FBXL5: variants seen among roughly 807,000 people sequenced by gnomAD.
The protein encoded by FBXL5 is F-box and leucine rich repeat protein 5.
In FBXL5, 26 loss-of-function variants were observed where a neutral mutation model predicts 78.3. The observed-to-expected ratio is 0.33, with a 90% CI of 0.24 to 0.46. The LOEUF is 0.46. FBXL5 is among the 20% of genes least tolerant of loss of function. The probability of loss-of-function intolerance (pLI) is 1.00; values close to 1 mark genes in which losing one functional copy is unlikely to be tolerated. For synonymous variants in FBXL5, 295 were observed against 282.5 expected, an observed-to-expected ratio of 1.04 and a Z score of -0.45; for missense variants, 710 against 829.2, an observed-to-expected ratio of 0.86 and a Z score of 1.77.
At chr4:15,631,375 C>T (rs1212942227) in intron 5 of FBXL5, among the ~76,000 whole-genome samples, 2 of 152,198 alleles carry the variant, frequency 1.3e-5, no homozygotes, top group African/African-American at 4.8e-5. Flanking sequence ...CCACAATAAA[C>T]GTATGTGCGC....
intron 10 of FBXL5, 116 bp from the exon 11 acceptor site, chr4:15,605,915 G>C: frequency 1.4e-6 from 1 of 719,604 alleles, no homozygotes; most frequent in Non-Finnish European, 2.5e-6. Flanking sequence ...TTATATGATA[G>C]AAGTAAATCT....
chr4:15,620,739 C>A (rs1027280515), intron 9 of FBXL5, among the ~76,000 whole-genome samples: 1 of 152,242 alleles, frequency 6.6e-6, no homozygotes, highest in East Asian at 1.9e-4. Flanking sequence ...AACGCCCAAG[C>A]TGGAAGGTCG....
At chr4:15,639,285 C>G (rs1714597232) in intron 3 of FBXL5, among the ~76,000 whole-genome samples, 2 of 152,234 alleles carry the variant, frequency 1.3e-5, no homozygotes, top group African/African-American at 4.8e-5. Context: ...ATTTGTCACT[C>G]TTAATCATTC....
chr4:15,635,946 G>C (rs1714219943), intron 5 of FBXL5, among the ~76,000 whole-genome samples: 1 of 151,980 alleles, frequency 6.6e-6, no homozygotes, highest in African/African-American at 2.4e-5. Flanking sequence ...CTGTGATTCA[G>C]AGAATGTGGC....
intron 2 of FBXL5, chr4:15,641,574 T>C (rs1430537496): frequency 2.2e-6 from 1 of 456,706 alleles, no homozygotes; most frequent in Admixed American, 2.4e-5. Flanking sequence ...CATGAAATAA[T>C]TGTTATTCGA....
intron 1 of FBXL5, among the ~76,000 whole-genome samples, chr4:15,676,323 C>G (rs1717989934): frequency 6.6e-6 from 1 of 151,920 alleles, no homozygotes; most frequent in African/African-American, 2.4e-5. Context: ...CATTAGTTTA[C>G]AGAAAATAAA....
At chr4:15,643,064 CATA>C (rs1011111107) in intron 2 of FBXL5, among the ~76,000 whole-genome samples, 1 of 152,114 alleles carries the variant, frequency 6.6e-6, no homozygotes, top group African/African-American at 2.4e-5. Context: ...TGTGGCAATA[CATA>C]ATATGATACA....
At chr4:15,676,255 CGCATAAAAA>C (rs1717988081) in intron 1 of FBXL5, among the ~76,000 whole-genome samples, 1 of 151,988 alleles carries the variant, frequency 6.6e-6, no homozygotes, top group African/African-American at 2.4e-5. Flanking sequence ...TATAAACTAC[CGCATAAAAA>C]GCATAAGAAG....
intron 6 of FBXL5, among the ~76,000 whole-genome samples, chr4:15,630,239 T>G (rs1045446268): frequency 2.0e-5 from 3 of 152,164 alleles, no homozygotes; most frequent in Non-Finnish European, 2.9e-5. Context: ...TACAATAACC[T>G]TATTAGGCAA....
intron 1 of FBXL5, among the ~76,000 whole-genome samples, chr4:15,674,385 C>A (rs1199620475): frequency 6.6e-6 from 1 of 152,022 alleles, no homozygotes; most frequent in Non-Finnish European, 1.5e-5. Context: ...GAGAACTGCA[C>A]TTGAGATCCC....
chr4:15,657,940 C>T (rs779931880), upstream of FBXL5, among the ~76,000 whole-genome samples: 1 of 152,212 alleles, frequency 6.6e-6, no homozygotes, highest in Non-Finnish European at 1.5e-5. Flanking sequence ...TTGACCACCA[C>T]AAGAAGTCTG....
chr4:15,620,338 C>A (rs1712354603), intron 9 of FBXL5, among the ~76,000 whole-genome samples: 1 of 136,488 alleles, frequency 7.3e-6, no homozygotes, highest in East Asian at 2.2e-4. Flanking sequence ...AGACTTAATA[C>A]TGTTGTCAAT....
chr4:15,664,911 C>T (rs1393609871), intron 1 of FBXL5, among the ~76,000 whole-genome samples: 1 of 151,994 alleles, frequency 6.6e-6, no homozygotes, highest in Non-Finnish European at 1.5e-5. Context: ...CCTACAGGTA[C>T]AAATGTCACA....
At chr4:15,679,063 A>ATT (rs60866290) in intron 1 of FBXL5, among the ~76,000 whole-genome samples, 29 of 118,746 alleles carry the variant, frequency 2.4e-4, no homozygotes, top group South Asian at 5.8e-4. Context: ...TAAAATCTCT[A>ATT]TTTTTTTTTT....
intron 10 of FBXL5, among the ~76,000 whole-genome samples, chr4:15,611,481 A>G (rs1267327510): frequency 6.6e-6 from 1 of 152,078 alleles, no homozygotes; most frequent in Admixed American, 6.6e-5. Context: ...AGTTATAAAT[A>G]CAGGAGGTTG....
chr4:15,655,297 C>A lies in FBXL5; in HGVS notation c.-10G>T. On this transcript the variant is annotated 5_prime_UTR_variant, in exon 1 of 11. It adds an upstream start codon to the 5' untranslated region. Transcript: ENST00000341285. The stretch of plus-strand genomic sequence containing the variant: ...CAGGAAAGGGCGCCATCGCCACTGC[C>A]TCAGCCTCCGCCTCAGCAGCCGCGG... 7.1e-6 allele frequency: 10 copies of A among 1,407,902 alleles called. No individual in the cohort carries two copies. Among genetic ancestry groups the A allele is most frequent in the Non-Finnish European group, 9.4e-6 (10 of 1,058,348 alleles). The allele number at this position is 1,407,902 out of a possible 1,614,324, so 87.2% of individuals were successfully genotyped here. A position where few individuals can be genotyped will look rare whatever the true frequency, so the allele number is the denominator to read the frequency against.
intron 3 of FBXL5, among the ~76,000 whole-genome samples, chr4:15,639,618 T>C (rs1714630405): frequency 6.6e-6 from 1 of 152,196 alleles, no homozygotes; most frequent in Non-Finnish European, 1.5e-5. Flanking sequence ...TGTTTTCACT[T>C]CCACAGATAA....
At chr4:15,659,886 C>G (rs1275605509), upstream of FBXL5, 1 of 171,704 alleles carries the variant, frequency 5.8e-6, no homozygotes, top group East Asian at 1.9e-4. Context: ...CTTGACTCAG[C>G]TGTTTGCACC....
intron 1 of FBXL5, among the ~76,000 whole-genome samples, chr4:15,650,726 C>A (rs150615154): frequency 1.5e-5 from 2 of 136,538 alleles, no homozygotes; most frequent in Non-Finnish European, 3.0e-5. Context: ...GGAGTGCAAT[C>A]GCCAATTCCA....
Sources: gnomAD v4.1 joint callset for allele counts (sites outside exome capture counted in the v4.1 genomes callset) on GRCh38, gnomAD v4.1.1 for gene constraint, MANE v1.5 for transcripts, NCBI Gene and HGNC (gene_info 2026-07-23, HGNC 2026-07-21) for gene names.